The following BCAT1 variants were observed in gnomAD, a reference collection of about 807,000 sequenced individuals.
BCAT1 encodes the protein branched chain amino acid transaminase 1.
Under a neutral mutation model 52.4 loss-of-function variants are expected in BCAT1, and 48 were observed. That is an observed-to-expected ratio of 0.92 (90% CI 0.73 to 1.16). The LOEUF (loss-of-function observed/expected upper bound fraction) is 1.16. Ranked by LOEUF, BCAT1 falls within the 50% of genes most tolerant of loss-of-function variation. The pLI is 0.00. For synonymous variants in BCAT1, 167 were observed against 161.3 expected, an observed-to-expected ratio of 1.04 and a Z score of -0.27; for missense variants, 451 against 457.1, an observed-to-expected ratio of 0.99 and a Z score of 0.12.
chr12:24,941,168 G>A (rs970874596), intron 1 of BCAT1, among the ~76,000 whole-genome samples: 1 of 152,124 alleles, frequency 6.6e-6, no homozygotes. Context: ...TTTTTGTGGT[G>A]TTCAGTTTAT....
At chr12:24,841,331 C>T (rs1156420103) in intron 7 of BCAT1, among the ~76,000 whole-genome samples, 2 of 152,272 alleles carry the variant, frequency 1.3e-5, no homozygotes, top group African/African-American at 4.8e-5. Context: ...AGAGAGTACA[C>T]AAAATCCTTC....
rs548077863 is a variant in BCAT1, at chr12:24,942,312, G to A, written c.6+6615C>T. Among the ~76,000 whole-genome samples the A allele has an allele frequency of 7.2e-5, 11 of 152,148 alleles. No homozygotes were observed. The South Asian group carries it at 1.7e-3, about 23-fold the overall frequency. On this transcript the variant is annotated intron_variant, in intron 1 of 10. Coordinates refer to ENST00000261192, the MANE Select transcript of BCAT1 (RefSeq NM_005504.7). ...TCCCAGTAGTTTGGGAGGCCAAGGCGGGCGGATCACTTGAGGTCAAGAGTT... is the reference window on the plus strand; with the variant it reads ...TCCCAGTAGTTTGGGAGGCCAAGGCAGGCGGATCACTTGAGGTCAAGAGTT...
At chr12:24,916,570 G>A (rs1450867016) in intron 1 of BCAT1, among the ~76,000 whole-genome samples, 1 of 151,982 alleles carries the variant, frequency 6.6e-6, no homozygotes, top group Non-Finnish European at 1.5e-5. Flanking sequence ...ATAGAGTCTC[G>A]CTCTTGTCCC....
At chr12:24,883,078 G>GGAGTTC (rs1205139679) in intron 3 of BCAT1, among the ~76,000 whole-genome samples, 1 of 152,010 alleles carries the variant, frequency 6.6e-6, no homozygotes, top group Non-Finnish European at 1.5e-5. Context: ...CTTGAGGTCA[G>GGAGTTC]GAGTTCGAGA....
chr12:24,850,674 C>T (rs575106647), intron 5 of BCAT1, among the ~76,000 whole-genome samples: 27 of 152,266 alleles, frequency 1.8e-4, no homozygotes, highest in African/African-American at 6.3e-4. Context: ...ACTGTTCAAA[C>T]CATGTTCAAA....
Position 24,894,345 on chromosome 12 carries a change from T to C in BCAT1, c.209A>G (p.Lys70Arg). The C allele has an allele frequency of 6.2e-7, 1 of 1,613,904 alleles. No individual in the cohort carries two copies. Residue 70 changes from lysine to arginine, a missense_variant, in exon 3 of 11, where the codon AAA becomes AGA. By Grantham distance (26) the Lys-to-Arg change is conservative (BLOSUM62 2). Transcript: ENST00000261192. ...GTTCTGAAGAGGCTTGATATGAGGT[T>C]TCTCCCATCCAAACTCTGAGGACCA... ...VEWSSEFGWE[K>R]PHIKPLQNLS... is the part of the protein sequence containing the mutation.
At chr12:24,878,768 A>T (rs1942416805) in intron 4 of BCAT1, 119 bp from the exon 5 acceptor site, 5 of 1,031,850 alleles carry the variant, frequency 4.8e-6, no homozygotes. Context: ...CAAAAAAATA[A>T]GAAATGTTTG....
chr12:24,810,911 C>A lies in BCAT1; in HGVS notation c.*7097G>T, dbSNP rs553217027. ...AGGCCTGGTTTGGCTAAAAGGGACA[C>A]TTCATTGAAGATCTCTAGGCCTTTT... On this transcript the variant is annotated 3_prime_UTR_variant, in exon 11 of 11. Transcript: ENST00000261192. 1 of 152,280 alleles carries A rather than the reference C, an allele frequency of 6.6e-6. No homozygotes were observed. Among genetic ancestry groups the A allele is most frequent in the Admixed American group, 6.5e-5 (1 of 15,290 alleles). The allele number at this position is 152,280 out of a possible 1,614,324, so 9.4% of individuals were successfully genotyped here. A position where few individuals can be genotyped will look rare whatever the true frequency, so the allele number is the denominator to read the frequency against.
intron 5 of BCAT1, among the ~76,000 whole-genome samples, chr12:24,865,196 T>C (rs1463003821): frequency 6.6e-6 from 1 of 152,202 alleles, no homozygotes; most frequent in Non-Finnish European, 1.5e-5. Flanking sequence ...CCCTGAATAA[T>C]AGACTTTCAC....
intron 1 of BCAT1, among the ~76,000 whole-genome samples, chr12:24,925,454 A>G (rs1943564188): frequency 6.6e-6 from 1 of 152,226 alleles, no homozygotes; most frequent in Non-Finnish European, 1.5e-5. Flanking sequence ...GATTATAGAT[A>G]TAGATATAGA....
chr12:24,841,958 G>T, intron 7 of BCAT1, 124 bp downstream of exon 7: 1 of 1,117,150 alleles, frequency 9.0e-7, no homozygotes, highest in Non-Finnish European at 1.3e-6. Context: ...CAAAAGCACA[G>T]TAGTCCTTAC....
intron 1 of BCAT1, among the ~76,000 whole-genome samples, chr12:24,946,996 G>A (rs748940509): frequency 4.6e-5 from 7 of 152,020 alleles, no homozygotes; most frequent in Non-Finnish European, 1.0e-4. Context: ...ATATTGGCCA[G>A]CATTAAATTC....
chr12:24,871,616 A>T (rs776595987), intron 5 of BCAT1, among the ~76,000 whole-genome samples: 5 of 152,210 alleles, frequency 3.3e-5, no homozygotes, highest in Non-Finnish European at 7.3e-5. Flanking sequence ...TGGTGAATGA[A>T]GATAGAAGGG....
At chr12:24,843,331 C>T (rs1483825231) in intron 6 of BCAT1, among the ~76,000 whole-genome samples, 1 of 133,046 alleles carries the variant, frequency 7.5e-6, no homozygotes, top group East Asian at 2.6e-4. Context: ...AGGCCAGGCG[C>T]GGTGGCTTAT....
At chr12:24,922,826 G>A (rs371174282) in intron 1 of BCAT1, among the ~76,000 whole-genome samples, 1 of 151,398 alleles carries the variant, frequency 6.6e-6, no homozygotes, top group East Asian at 1.9e-4. Context: ...GCCGACATGG[G>A]GCCACTGAAC....
At chr12:24,913,350 G>T (rs1187555554) in intron 1 of BCAT1, among the ~76,000 whole-genome samples, 1 of 152,244 alleles carries the variant, frequency 6.6e-6, no homozygotes, top group Admixed American at 6.5e-5. Context: ...ATCCTGGCAT[G>T]TGCTTCAACA....
At chr12:24,823,082 G>A (rs187360610) in intron 10 of BCAT1, among the ~76,000 whole-genome samples, 17 of 149,214 alleles carry the variant, frequency 1.1e-4, no homozygotes, top group Non-Finnish European at 1.9e-4. Flanking sequence ...TTCAGATGGG[G>A]TCTCACTCTG....
At chr12:24,837,237 TAAG>T (rs1348350665) in intron 7 of BCAT1, among the ~76,000 whole-genome samples, 1 of 150,136 alleles carries the variant, frequency 6.7e-6, no homozygotes. Context: ...TGCATGGTCT[TAAG>T]AGGAATATTC....
chr12:24,853,881 T>C (rs1341804350), intron 5 of BCAT1, among the ~76,000 whole-genome samples: 5 of 152,052 alleles, frequency 3.3e-5, no homozygotes, highest in Admixed American at 6.6e-5. Context: ...TAAAAGGGGC[T>C]TTAAAAAAAA....
Sources: allele counts gnomAD v4.1 joint callset (sites outside exome capture counted in the v4.1 genomes callset), GRCh38; gene constraint gnomAD v4.1.1; transcripts MANE v1.5; gene names NCBI Gene and HGNC (gene_info 2026-07-23, HGNC 2026-07-21).